The following SERPINB8 variants were observed in gnomAD, a reference collection of about 807,000 sequenced individuals.
The protein encoded by SERPINB8 is serpin B8.
A neutral mutation model predicts 35.3 loss-of-function variants in SERPINB8; 25 were observed. The ratio of observed to expected loss-of-function variants is 0.71; its 90% confidence interval spans 0.52 to 0.99. The LOEUF is 0.99. SERPINB8 is among the 50% of genes least tolerant of loss of function. SERPINB8 has a pLI of 0.00. For missense variants in SERPINB8, 484 were observed against 446.5 expected (o/e 1.08, Z -0.76); for synonymous variants, 186 against 160.8 (o/e 1.16, Z -1.19).
Position 63,987,500 on chromosome 18 carries a change from G to C in SERPINB8, c.*222G>C. ...GGGAAGGCTATGCTGGTTTTGGAGT[G>C]TTTGGGGTGCCTGCCATTGCCTCTG... On this transcript the variant is annotated 3_prime_UTR_variant, in exon 7 of 7. Coordinates refer to ENST00000397985, the MANE Select transcript of SERPINB8 (RefSeq NM_002640.4). The C allele has an allele frequency of 1.9e-6, 1 of 536,850 alleles. No homozygotes were observed. Among genetic ancestry groups the C allele is most frequent in the Non-Finnish European group, 3.3e-6 (1 of 306,798 alleles). 33.3% of individuals were successfully genotyped at this position (536,850 alleles called of 1,614,324 possible). A position where few individuals can be genotyped will look rare whatever the true frequency, so the allele number is the denominator to read the frequency against.
chr18:63,983,805 T>C, intron 5 of SERPINB8, 84 bp downstream of exon 5: 1 of 937,874 alleles, frequency 1.1e-6, no homozygotes, highest in Non-Finnish European at 1.7e-6. Context: ...GAATAATTTA[T>C]TTGACATGAT....
At chr18:64,016,339 G>C (rs149874200) in intron 7 of SERPINB8, among the ~76,000 whole-genome samples, 213 of 152,320 alleles carry the variant, frequency 1.4e-3, no homozygotes, top group African/African-American at 5.0e-3. Flanking sequence ...GGAGACAACA[G>C]GTTTAAAATT....
At chr18:64,006,400 C>G (rs932054181), downstream of SERPINB8, among the ~76,000 whole-genome samples, 1 of 152,112 alleles carries the variant, frequency 6.6e-6, no homozygotes, top group African/African-American at 2.4e-5. Flanking sequence ...TATATGAGGT[C>G]TTGAGAATGG....
At chr18:63,998,769 T>A (rs776801015) in intron 1 of SERPINB8, among the ~76,000 whole-genome samples, 1 of 152,220 alleles carries the variant, frequency 6.6e-6, no homozygotes, top group Admixed American at 6.5e-5. Flanking sequence ...TTGGGAGGCA[T>A]GAACTTGCTT....
At chr18:64,008,914 T>C (rs969647213), downstream of SERPINB8, among the ~76,000 whole-genome samples, 7 of 152,104 alleles carry the variant, frequency 4.6e-5, no homozygotes, top group African/African-American at 1.7e-4. Flanking sequence ...GACGTGGTTA[T>C]AATAACAGGA....
At chr18:63,976,442 C>T (rs142289803) in intron 1 of SERPINB8, among the ~76,000 whole-genome samples, 2 of 152,342 alleles carry the variant, frequency 1.3e-5, no homozygotes, top group African/African-American at 4.8e-5. Context: ...CTACCTTCCA[C>T]AGAACTGGTT....
chr18:64,004,723 C>T, intron 1 of SERPINB8: 1 of 397,472 alleles, frequency 2.5e-6, no homozygotes, highest in Non-Finnish European at 4.4e-6. Flanking sequence ...CCACACTGAA[C>T]ATTTTTCTCT....
At chr18:64,016,213 G>A (rs1423794128) in intron 7 of SERPINB8, among the ~76,000 whole-genome samples, 2 of 152,176 alleles carry the variant, frequency 1.3e-5, no homozygotes, top group Non-Finnish European at 2.9e-5. Flanking sequence ...GAAAGGCTTT[G>A]CTTATCCAAT....
chr18:63,988,678 C>T lies in SERPINB8; in HGVS notation c.*1400C>T, dbSNP rs2050797555. ...TGGTTAATCCTGACTCTGTTTTTGA[C>T]TGACAGTTAACAGTTACATGAACCA... On this transcript the variant is annotated 3_prime_UTR_variant, in exon 7 of 7. Transcript: ENST00000397985. 1 of 152,156 alleles carries T rather than the reference C, an allele frequency of 6.6e-6. No homozygotes were observed. The highest frequency in any genetic ancestry group is 1.5e-5 in the Non-Finnish European group (1 of 68,032). 9.4% of individuals were successfully genotyped at this position (152,156 alleles called of 1,614,324 possible). A position where few individuals can be genotyped will look rare whatever the true frequency, so the allele number is the denominator to read the frequency against.
Position 63,985,238 on chromosome 18 carries a change from T to A in SERPINB8, c.713T>A (p.Leu238His). 6.2e-7 allele frequency: 1 copy of A among 1,614,158 alleles called. No individual in the cohort carries two copies. The highest frequency in any genetic ancestry group is 8.5e-7 in the Non-Finnish European group (1 of 1,180,020). ...VILLPDDNTD[L>H]AVVEKALTYE... Reference sequence around the variant, plus strand: ...CTGCTTCCCGATGACAACACGGACCTCGCCGTGGTAAGCTCCAGGCAATGA... The same window carrying A: ...CTGCTTCCCGATGACAACACGGACCACGCCGTGGTAAGCTCCAGGCAATGA... The change falls in exon 6 of 7, where the codon CTC becomes CAC. Residue 238 changes from leucine (L) to histidine (H), a missense_variant. Transcript: ENST00000397985.
At chr18:64,018,116 C>G (rs994337337) in intron 7 of SERPINB8, among the ~76,000 whole-genome samples, 1 of 152,120 alleles carries the variant, frequency 6.6e-6, no homozygotes, top group Non-Finnish European at 1.5e-5. Context: ...ATATTCTAGA[C>G]AAATGACAAC....
intron 1 of SERPINB8, among the ~76,000 whole-genome samples, chr18:64,000,209 C>CTCTG (rs1248989506): frequency 2.4e-4 from 36 of 152,162 alleles, no homozygotes; most frequent in Non-Finnish European, 3.7e-4. Flanking sequence ...TTGTTGGGGG[C>CTCTG]TCATGGCTAT....
At chr18:63,986,007 A>C (rs1477067037) in intron 6 of SERPINB8, among the ~76,000 whole-genome samples, 1 of 152,196 alleles carries the variant, frequency 6.6e-6, no homozygotes, top group Non-Finnish European at 1.5e-5. Context: ...ACACCAATGC[A>C]CAGGATGTTG....
Position 63,987,243 on chromosome 18 carries a change from T to C in SERPINB8, c.1090T>C (p.Cys364Arg). The C allele has an allele frequency of 1.2e-6, 2 of 1,613,978 alleles. No individual in the cohort carries two copies. Among genetic ancestry groups the C allele is most frequent in the Admixed American group, 3.3e-5 (2 of 60,004 alleles). The change falls in exon 7 of 7, where the codon TGC becomes CGC. Residue 364 changes from cysteine to arginine, a missense_variant. Coordinates refer to ENST00000397985, the MANE Select transcript of SERPINB8 (RefSeq NM_002640.4). ...LFFIRHHKTN[C>R]ILFCGRFSSP ...CTTCATCAGGCACCACAAAACCAAC[T>C]GCATCTTGTTCTGTGGCAGGTTCTC...
In SERPINB8 at chr18:63,981,757, G is replaced by A; in HGVS notation, c.343G>A (p.Glu115Lys). 1 of 1,613,930 alleles carries A rather than the reference G, an allele frequency of 6.2e-7. No individual in the cohort carries two copies. Among genetic ancestry groups the A allele is most frequent in the Non-Finnish European group, 8.5e-7 (1 of 1,179,814 alleles). Residue 115 changes from glutamate to lysine, a missense_variant, in exon 4 of 7, where the codon GAG (glutamate) becomes AAG (lysine). Transcript: ENST00000397985. ...KEYCQKFYQA[E>K]LEELSFAEDT... is the part of the protein sequence containing the mutation. ...ATACTGTCAGAAGTTCTATCAGGCAGAGCTGGAGGAGTTGTCCTTTGCTGA... is the reference window on the plus strand; with the variant it reads ...ATACTGTCAGAAGTTCTATCAGGCAAAGCTGGAGGAGTTGTCCTTTGCTGA...
At chr18:63,981,371 G>A in intron 3 of SERPINB8, among the ~76,000 whole-genome samples, 1 of 152,232 alleles carries the variant, frequency 6.6e-6, no homozygotes. Context: ...GAGTAAAAGT[G>A]TGTTAGACTG....
chr18:64,001,461 C>CTGTTTGTTTGTT lies in SERPINB8; in HGVS notation c.71-3352_71-3341dup, dbSNP rs58635020. Reference sequence around the variant, plus strand: ...TAAGGATTCTGCTTTCTTTTCTTTTCTGTTTGTTTGTTTGTTTATTTATTT... The same window carrying CTGTTTGTTTGTT: ...TAAGGATTCTGCTTTCTTTTCTTTTCTGTTTGTTTGTTTGTTTGTTTGTTTGTTTATTTATTT... On this transcript the variant is annotated intron_variant, in intron 1 of 1. Transcript: ENST00000493661. 7.6e-3 allele frequency among the ~76,000 whole-genome samples: 1,110 copies of CTGTTTGTTTGTT among 145,330 alleles called. 25 individuals are homozygous for CTGTTTGTTTGTT. The highest frequency in any genetic ancestry group is 0.038 in the Admixed American group (558 of 14,678).
At chr18:64,008,632 C>T (rs576516418), downstream of SERPINB8, among the ~76,000 whole-genome samples, 14 of 151,844 alleles carry the variant, frequency 9.2e-5, no homozygotes, top group South Asian at 1.5e-3. Flanking sequence ...AAAACAAAAC[C>T]GTATTCCTAG....
chr18:63,982,299 G>C (rs764705663), intron 4 of SERPINB8, among the ~76,000 whole-genome samples: 1 of 152,164 alleles, frequency 6.6e-6, no homozygotes, highest in African/African-American at 2.4e-5. Flanking sequence ...TTTGCTCTCA[G>C]AGTGTGGCCT....
Sources: allele counts gnomAD v4.1 joint callset (sites outside exome capture counted in the v4.1 genomes callset), GRCh38; gene constraint gnomAD v4.1.1; transcripts MANE v1.5; gene names NCBI Gene and HGNC (gene_info 2026-07-23, HGNC 2026-07-21).